The following TMEM41B variants were observed in gnomAD, a reference collection of about 807,000 sequenced individuals.
TMEM41B encodes protein stasimon.
A neutral mutation model predicts 31.9 loss-of-function variants in TMEM41B; 18 were observed. The observed-to-expected ratio is 0.56, with a 90% CI of 0.39 to 0.84. The LOEUF (loss-of-function observed/expected upper bound fraction) is 0.84. TMEM41B is among the 40% of genes least tolerant of loss of function. The probability of loss-of-function intolerance (pLI) is 0.00; values close to 1 mark genes in which losing one functional copy is unlikely to be tolerated. For synonymous variants in TMEM41B, 144 were observed against 124.3 expected (o/e 1.16, Z -1.05); for missense variants, 322 against 348.0 (o/e 0.93, Z 0.59).
At chr11:9,291,852 C>T (rs925612002) in intron 3 of TMEM41B, among the ~76,000 whole-genome samples, 3 of 152,066 alleles carry the variant, frequency 2.0e-5, no homozygotes, top group Admixed American at 1.3e-4. Flanking sequence ...GAATCACAGA[C>T]GCCTGCCACC....
intron 2 of TMEM41B, among the ~76,000 whole-genome samples, 188 bp from the exon 3 acceptor site, chr11:9,295,575 C>T (rs890291123): frequency 1.3e-5 from 2 of 152,166 alleles, no homozygotes; most frequent in Admixed American, 6.6e-5. Context: ...TGCTCTGTTG[C>T]CCAGGCTGCA....
chr11:9,308,214 G>T (rs755646988), intron 1 of TMEM41B, among the ~76,000 whole-genome samples: 5 of 152,060 alleles, frequency 3.3e-5, no homozygotes, highest in Non-Finnish European at 7.4e-5. Flanking sequence ...GTGGTGGTAT[G>T]CGCCTGTAAT....
chr11:9,289,958 G>A (rs1852916987), intron 3 of TMEM41B, among the ~76,000 whole-genome samples: 2 of 151,832 alleles, frequency 1.3e-5, no homozygotes, highest in African/African-American at 2.4e-5. Context: ...ACCACATATA[G>A]TACTAAAAAC....
In TMEM41B at chr11:9,314,337, G is replaced by A. The variant is rs1853637686; in HGVS notation, c.105C>T (p.Ser35=). Residue 35 remains serine, a synonymous_variant, in exon 1 of 7, where the codon AGC becomes AGT. Coordinates refer to ENST00000528080, the MANE Select transcript of TMEM41B (RefSeq NM_015012.4). ...CCCACTCACCCTTCTGGTGGTCTCT[G>A]CTGCCAGGCGCCGCGAGACCCCGCG... ...AGTRGLAAPG[S]RDHQKEKSWV... is the part of the protein sequence containing the mutation. 4.4e-6 allele frequency: 7 copies of A among 1,596,354 alleles called. No individual in the cohort carries two copies. The highest frequency in any genetic ancestry group is 6.0e-6 in the Non-Finnish European group (7 of 1,174,574).
rs750602460 is a variant in TMEM41B, at chr11:9,286,491, C to T, written c.670G>A (p.Val224Met). Residue 224 changes from valine (V) to methionine (M), a missense_variant, in exon 6 of 7, where the codon GTG (valine) becomes ATG (methionine). This residue lies in a region of TMEM41B where 92 missense variants were observed against 88.0 expected (regional missense o/e 1.05). Coordinates refer to ENST00000528080, the MANE Select transcript of TMEM41B (RefSeq NM_015012.4). ...FINITSPVIN[V>M]PLKVFFIGTF... ...CCAATAAAAAAAACTTTCAATGGCA[C>T]GTTTATCACAGGAGATGTGATATTA... 3.7e-6 allele frequency: 6 copies of T among 1,611,254 alleles called. No individual in the cohort carries two copies. The highest frequency in any genetic ancestry group is 5.1e-6 in the Non-Finnish European group (6 of 1,179,246).
chr11:9,286,445 G>C lies in TMEM41B; in HGVS notation c.706+10C>G. ...GTGAGCTCATACACAGCAAGAACCA[G>C]AGGGCTTACCTAGAAAAGTACCAAT... On this transcript the variant is annotated intron_variant, in intron 6 of 6. Transcript: ENST00000528080. 1 of 1,606,390 alleles carries C rather than the reference G, an allele frequency of 6.2e-7. No individual in the cohort carries two copies. Among genetic ancestry groups the C allele is most frequent in the Non-Finnish European group, 8.5e-7 (1 of 1,176,804 alleles).
At chr11:9,284,776 A>AGAAG (rs1554942137) in intron 6 of TMEM41B, among the ~76,000 whole-genome samples, 1 of 151,232 alleles carries the variant, frequency 6.6e-6, no homozygotes, top group Non-Finnish European at 1.5e-5. Flanking sequence ...AAGAGAAAAA[A>AGAAG]AAAGAAAGAA....
chr11:9,311,021 TTCA>T (rs1475930505), intron 1 of TMEM41B, among the ~76,000 whole-genome samples: 2 of 151,960 alleles, frequency 1.3e-5, no homozygotes, highest in East Asian at 3.9e-4. Context: ...CAACATTTAG[TTCA>T]TCATCTTCAA....
chr11:9,296,603 C>CAAAAAAAAAAAAAAA (rs1164835040), intron 2 of TMEM41B, among the ~76,000 whole-genome samples: 1 of 118,898 alleles, frequency 8.4e-6, no homozygotes, highest in African/African-American at 3.6e-5. Flanking sequence ...GACTCCGTCT[C>CAAAAAAAAAAAAAAA]AAAAAAAAAA....
intron 1 of TMEM41B, among the ~76,000 whole-genome samples, chr11:9,300,623 A>G (rs1853228236): frequency 6.6e-6 from 1 of 152,192 alleles, no homozygotes; most frequent in South Asian, 2.1e-4. Flanking sequence ...TCACGCCTGT[A>G]ATCCCAGCAC....
intron 1 of TMEM41B, among the ~76,000 whole-genome samples, chr11:9,303,819 C>T (rs2133640147): frequency 6.6e-6 from 1 of 151,950 alleles, no homozygotes; most frequent in South Asian, 2.1e-4. Context: ...AGGCACACGC[C>T]ACGAGGATCA....
intron 2 of TMEM41B, among the ~76,000 whole-genome samples, chr11:9,297,327 C>T (rs762585767): frequency 9.2e-5 from 14 of 152,190 alleles, no homozygotes; most frequent in African/African-American, 3.4e-4. Context: ...TCACGTGATC[C>T]GCCCACCTTG....
At chr11:9,299,282 C>CAAAAAAAAAAA (rs1180036082) in intron 2 of TMEM41B, among the ~76,000 whole-genome samples, 1 of 41,710 alleles carries the variant, frequency 2.4e-5, no homozygotes, top group Non-Finnish European at 3.8e-5. Context: ...GACTCTGTCT[C>CAAAAAAAAAAA]AAAAAAAAAA....
At chr11:9,308,415 T>C (rs931556627) in intron 1 of TMEM41B, among the ~76,000 whole-genome samples, 20 of 152,174 alleles carry the variant, frequency 1.3e-4, no homozygotes, top group Admixed American at 1.3e-3. Context: ...ATTCCATTCC[T>C]TGCCTTTTTC....
chr11:9,288,110 C>G, intron 4 of TMEM41B: 2 of 342,824 alleles, frequency 5.8e-6, no homozygotes, highest in Non-Finnish European at 5.1e-6. Flanking sequence ...CCGACCCTAC[C>G]CCCGACCCCC....
In TMEM41B at chr11:9,281,546, A is replaced by G. The variant is rs1226866945; in HGVS notation, c.*1878T>C. ...AAACATACAAGGATTTCTCACAGCT[A>G]AAGTACTTTTCAACTTTGACAACTA... On this transcript the variant is annotated 3_prime_UTR_variant, in exon 7 of 7. Coordinates refer to ENST00000528080, the MANE Select transcript of TMEM41B (RefSeq NM_015012.4). 2.0e-5 allele frequency: 3 copies of G among 152,342 alleles called. No individual in the cohort carries two copies. Among genetic ancestry groups the G allele is most frequent in the Admixed American group, 6.5e-5 (1 of 15,292 alleles). The allele number at this position is 152,342 out of a possible 1,614,324, so 9.4% of individuals were successfully genotyped here.
chr11:9,298,017 C>T (rs61875675), intron 2 of TMEM41B, among the ~76,000 whole-genome samples: 21,868 of 137,292 alleles, frequency 0.16, 2,436 homozygotes, highest in African/African-American at 0.32. Flanking sequence ...TGAGCCATAA[C>T]TGTGCCACTA....
intron 3 of TMEM41B, among the ~76,000 whole-genome samples, chr11:9,294,812 AC>A (rs1590377744): frequency 6.6e-6 from 1 of 152,080 alleles, no homozygotes; most frequent in African/African-American, 2.4e-5. Context: ...CAAGAAAAAA[AC>A]ATGAACAAAG....
intron 6 of TMEM41B, among the ~76,000 whole-genome samples, chr11:9,284,659 A>C (rs1408036953): frequency 6.6e-6 from 1 of 151,988 alleles, no homozygotes; most frequent in Non-Finnish European, 1.5e-5. Flanking sequence ...GCTACTTGGG[A>C]GGCTGAGGCA....
Sources: allele counts gnomAD v4.1 joint callset (sites outside exome capture counted in the v4.1 genomes callset), GRCh38; gene constraint gnomAD v4.1.1; regional missense constraint gnomAD v4.1.1; transcripts MANE v1.5; gene names NCBI Gene and HGNC (gene_info 2026-07-23, HGNC 2026-07-21).